KLHL13: variants seen among roughly 807,000 people sequenced by gnomAD.
KLHL13 encodes kelch like family member 13, also known as kelch-like protein 13.
A neutral mutation model predicts 37.1 loss-of-function variants in KLHL13; 10 were observed. That is an observed-to-expected ratio of 0.27 (90% CI 0.17 to 0.46). The LOEUF (loss-of-function observed/expected upper bound fraction) is 0.46, where lower values mean the gene tolerates loss of function less well. Ranked by LOEUF, KLHL13 falls within the 20% of genes least tolerant of loss-of-function variation. KLHL13 has a pLI of 1.00. For missense variants in KLHL13, 360 were observed against 509.3 expected, an observed-to-expected ratio of 0.71 and a Z score of 2.82; for synonymous variants, 163 against 181.2, an observed-to-expected ratio of 0.90 and a Z score of 0.81.
chrX:118,080,691 A>C (rs748998851), intron 1 of KLHL13, among the ~76,000 whole-genome samples: 2 of 112,370 alleles, frequency 1.8e-5, no homozygotes, highest in Non-Finnish European at 3.8e-5. Flanking sequence ...CCACTGTGGA[A>C]AGCAGTTTGG....
At chrX:118,010,357 T>G (rs111637676) in intron 1 of KLHL13, among the ~76,000 whole-genome samples, 2,804 of 32,606 alleles carry the variant, frequency 0.086, 153 homozygotes, top group Middle Eastern at 0.23. Context: ...CCAACAATGA[T>G]AGACTGGATT....
chrX:117,994,171 T>A (rs945448088), intron 1 of KLHL13, among the ~76,000 whole-genome samples: 2 of 111,900 alleles, frequency 1.8e-5, no homozygotes, highest in African/African-American at 6.5e-5. Context: ...TGTTTGCACT[T>A]GTACATAGAG....
chrX:118,035,804 T>G (rs1213169216), intron 1 of KLHL13, among the ~76,000 whole-genome samples: 1 of 105,716 alleles, frequency 9.5e-6, no homozygotes, highest in Non-Finnish European at 1.9e-5. Context: ...AGTCAAATTG[T>G]CCCTGTTTGC....
intron 5 of KLHL13, among the ~76,000 whole-genome samples, chrX:117,906,296 G>C (rs1457196459): frequency 2.7e-5 from 3 of 111,506 alleles, no homozygotes; most frequent in Non-Finnish European, 5.7e-5. Context: ...CAAAAACAAT[G>C]GGTCCAAGAA....
At chrX:117,950,204 C>T (rs776601787) in intron 1 of KLHL13, among the ~76,000 whole-genome samples, 33 of 112,667 alleles carry the variant, frequency 2.9e-4, no homozygotes, top group African/African-American at 9.0e-4. Context: ...TGGTGGCTCA[C>T]GCCTGTAATC....
At position 118,084,553 on chromosome X, in the gene KLHL13, T is replaced by C. The variant is rs766414980; in HGVS notation, c.-56+31955A>G. ...ATGAGGATACATTTATAAATGCACA[T>C]GCCTTTTGCTGCAGAAATTCCAACT... On this transcript the variant is annotated intron_variant, in intron 1 of 6. Transcript: ENST00000371882. Among the ~76,000 whole-genome samples the C allele has an allele frequency of 2.7e-4, 30 of 111,980 alleles. 1 individual carries two copies. Among genetic ancestry groups the C allele is most frequent in the Non-Finnish European group, 4.7e-4 (25 of 53,235 alleles).
intron 1 of KLHL13, among the ~76,000 whole-genome samples, chrX:118,003,847 G>A (rs2053952206): frequency 9.1e-6 from 1 of 110,074 alleles, no homozygotes; most frequent in Admixed American, 9.8e-5. Flanking sequence ...TCCATTAGTG[G>A]GACCAAGCAA....
chrX:118,038,965 C>T (rs1047606346), intron 1 of KLHL13, among the ~76,000 whole-genome samples: 6 of 112,131 alleles, frequency 5.4e-5, no homozygotes, highest in African/African-American at 1.6e-4. Flanking sequence ...AGCTTACCTA[C>T]AGTAGGCTAG....
intron 1 of KLHL13, among the ~76,000 whole-genome samples, chrX:118,023,183 C>A (rs753668248): frequency 9.0e-5 from 10 of 111,617 alleles, no homozygotes; most frequent in African/African-American, 3.3e-4. Flanking sequence ...TGCCTCTTTA[C>A]TGACATTGGA....
At position 117,980,998 on chromosome X, in the gene KLHL13, C is replaced by T. The variant is rs183765017; in HGVS notation, c.-55-35423G>A. Among the ~76,000 whole-genome samples, 397 of 111,892 alleles carry T rather than the reference C, an allele frequency of 3.5e-3. 2 individuals are homozygous for T. Among genetic ancestry groups the T allele is most frequent in the Middle Eastern group, 0.014 (3 of 216 alleles). ...CTATTTTCATGACTATTTCCAGATCCTTTTCGTTTTCCAATTTAGAATTCT... is the reference window on the plus strand; with the variant it reads ...CTATTTTCATGACTATTTCCAGATCTTTTTCGTTTTCCAATTTAGAATTCT... On this transcript the variant is annotated intron_variant, in intron 1 of 6. Transcript: ENST00000371882.
intron 2 of KLHL13, among the ~76,000 whole-genome samples, chrX:117,942,860 C>T (rs982507155): frequency 1.8e-5 from 2 of 111,071 alleles, no homozygotes; most frequent in African/African-American, 6.6e-5. Context: ...GAATCTGATC[C>T]TGTCATTATG....
chrX:117,905,012 T>C (rs1036367738), intron 5 of KLHL13, among the ~76,000 whole-genome samples: 1 of 111,531 alleles, frequency 9.0e-6, no homozygotes, highest in African/African-American at 3.3e-5. Context: ...GTGGAATTTA[T>C]TTGTTCTTTA....
At chrX:118,024,435 T>C (rs1286783498) in intron 1 of KLHL13, among the ~76,000 whole-genome samples, 1 of 111,569 alleles carries the variant, frequency 9.0e-6, no homozygotes, top group Non-Finnish European at 1.9e-5. Flanking sequence ...CTACTGCTCA[T>C]CAAAAGACAC....
At chrX:118,103,719 TG>T (rs1207397641) in intron 1 of KLHL13, among the ~76,000 whole-genome samples, 1 of 111,010 alleles carries the variant, frequency 9.0e-6, no homozygotes, top group East Asian at 2.8e-4. Context: ...AATGAAGACC[TG>T]GGAACAGCCT....
intron 1 of KLHL13, among the ~76,000 whole-genome samples, chrX:118,030,608 A>C (rs2054326399): frequency 8.9e-6 from 1 of 112,340 alleles, no homozygotes; most frequent in Admixed American, 9.4e-5. Context: ...GGTGGGGTCT[A>C]ACAGGAGGTG....
At chrX:118,044,997 T>A (rs1409227264) in intron 1 of KLHL13, among the ~76,000 whole-genome samples, 3 of 111,786 alleles carry the variant, frequency 2.7e-5, no homozygotes, top group Non-Finnish European at 5.6e-5. Flanking sequence ...ATGTAAACCA[T>A]CCATCTGACA....
chrX:117,992,898 C>A (rs1010834511), intron 1 of KLHL13, among the ~76,000 whole-genome samples: 3 of 112,025 alleles, frequency 2.7e-5, no homozygotes, highest in Non-Finnish European at 5.6e-5. Context: ...ATAATCCACC[C>A]AAGCATTTAA....
intron 2 of KLHL13, among the ~76,000 whole-genome samples, chrX:117,923,869 C>A (rs1931859221): frequency 9.0e-6 from 1 of 111,429 alleles, no homozygotes; most frequent in African/African-American, 3.3e-5. Context: ...TTTAAAAAAT[C>A]CTTTAACCTT....
intron 1 of KLHL13, among the ~76,000 whole-genome samples, chrX:117,967,283 A>G (rs2053451190): frequency 8.9e-6 from 1 of 111,910 alleles, no homozygotes; most frequent in Non-Finnish European, 1.9e-5. Flanking sequence ...TCTTGAGGAT[A>G]TAAAGCAATA....
Sources: allele counts gnomAD v4.1 joint callset (sites outside exome capture counted in the v4.1 genomes callset), GRCh38; gene constraint gnomAD v4.1.1; transcripts MANE v1.5; gene names NCBI Gene and HGNC (gene_info 2026-07-23, HGNC 2026-07-21).